The following ALG9 variants were observed in gnomAD, a reference collection of about 807,000 sequenced individuals.
ALG9 encodes the protein alpha-1,2-mannosyltransferase ALG9.
In ALG9, 55 loss-of-function variants were observed where a neutral mutation model predicts 81.8. The ratio of observed to expected loss-of-function variants is 0.67; its 90% CI spans 0.54 to 0.84. ALG9 has a LOEUF of 0.84. Among genes scored for constraint, ALG9 ranks in the 40% least tolerant of loss-of-function variants. The probability of loss-of-function intolerance (pLI) is 0.00; values close to 1 mark genes in which losing one functional copy is unlikely to be tolerated. For synonymous variants in ALG9, 278 were observed against 274.3 expected, an observed-to-expected ratio of 1.01 and a Z score of -0.13; for missense variants, 629 against 745.0, an observed-to-expected ratio of 0.84 and a Z score of 1.81.
chr11:111,867,279 G>A (rs1049230400), intron 3 of ALG9, among the ~76,000 whole-genome samples: 8 of 152,186 alleles, frequency 5.3e-5, no homozygotes, highest in East Asian at 1.9e-4. Flanking sequence ...GACTTGGGGG[G>A]AAAAGAACAA....
intron 9 of ALG9, among the ~76,000 whole-genome samples, chr11:111,844,014 T>C (rs1555126395): frequency 6.6e-6 from 1 of 152,190 alleles, no homozygotes; most frequent in African/African-American, 2.4e-5. Flanking sequence ...CTTCTGAGAT[T>C]TTTTTTGAGA....
chr11:111,842,949 ATTG>A (rs1253543881), intron 9 of ALG9, among the ~76,000 whole-genome samples: 2 of 151,746 alleles, frequency 1.3e-5, no homozygotes, highest in Non-Finnish European at 2.9e-5. Context: ...AATAATTATT[ATTG>A]TTGTTTTTAA....
At position 111,784,487 on chromosome 11, in the gene ALG9, G is replaced by A. The variant is rs1555060421; in HGVS notation, c.*1910C>T. On this transcript the variant is annotated 3_prime_UTR_variant, in exon 15 of 15. Coordinates refer to ENST00000616540, the MANE Select transcript of ALG9 (RefSeq NM_024740.2). Reference sequence around the variant, plus strand: ...AATACCAGCACTTTGGGAGGCTGAGGCGGGTGGATGACCTGAGGTCAGGAG... The same window carrying A: ...AATACCAGCACTTTGGGAGGCTGAGACGGGTGGATGACCTGAGGTCAGGAG... 6.6e-6 allele frequency: 1 copy of A among 152,260 alleles called. No individual in the cohort carries two copies. The highest frequency in any genetic ancestry group is 1.9e-4 in the East Asian group (1 of 5,196). The allele number at this position is 152,260 out of a possible 1,614,324, so 9.4% of individuals were successfully genotyped here.
At chr11:111,798,451 ACT>A (rs1555077461) in intron 14 of ALG9, among the ~76,000 whole-genome samples, 1 of 151,966 alleles carries the variant, frequency 6.6e-6, no homozygotes, top group Non-Finnish European at 1.5e-5. Flanking sequence ...CTCTCAGCAC[ACT>A]TAGATAGGCA....
chr11:111,775,785 T>C, the ALG9 span, among the ~76,000 whole-genome samples: 1 of 152,188 alleles, frequency 6.6e-6, no homozygotes. Flanking sequence ...GCCTACTGAC[T>C]CCGTCTAGGT....
At chr11:111,776,868 G>A in the ALG9 span, among the ~76,000 whole-genome samples, 7 of 152,294 alleles carry the variant, frequency 4.6e-5, no homozygotes, top group East Asian at 1.4e-3. Flanking sequence ...CCTAGGCATG[G>A]GGAGTAAAGG....
chr11:111,794,980 T>C (rs1948028820), intron 14 of ALG9, among the ~76,000 whole-genome samples: 1 of 152,232 alleles, frequency 6.6e-6, no homozygotes, highest in Non-Finnish European at 1.5e-5. Context: ...ATGTGACTGT[T>C]ATTTAATAGT....
intron 9 of ALG9, 54 bp downstream of exon 9, chr11:111,844,547 C>G: frequency 6.2e-7 from 1 of 1,611,442 alleles, no homozygotes; most frequent in South Asian, 1.1e-5. Flanking sequence ...TCTTGGTATA[C>G]ACCATTACTT....
chr11:111,850,180 T>A (rs1284991784), intron 8 of ALG9, among the ~76,000 whole-genome samples: 1 of 152,200 alleles, frequency 6.6e-6, no homozygotes, highest in East Asian at 1.9e-4. Flanking sequence ...TTATTTGGTA[T>A]CACGAAAATC....
chr11:111,808,791 C>A (rs148510177), intron 14 of ALG9, among the ~76,000 whole-genome samples: 4 of 152,196 alleles, frequency 2.6e-5, no homozygotes, highest in Non-Finnish European at 5.9e-5. Context: ...GTCTGTTTAC[C>A]TGGACCTCTG....
chr11:111,858,655 T>C (rs1176438398), intron 5 of ALG9, among the ~76,000 whole-genome samples: 2 of 152,182 alleles, frequency 1.3e-5, no homozygotes, highest in Non-Finnish European at 2.9e-5. Context: ...ACAGAAACAA[T>C]TGATTAAAGT....
At chr11:111,805,361 C>A (rs1555084194) in intron 14 of ALG9, 1 of 455,196 alleles carries the variant, frequency 2.2e-6, no homozygotes, top group South Asian at 1.6e-5. Flanking sequence ...AGTTTATGGT[C>A]ATTTGTTATA....
the ALG9 span, among the ~76,000 whole-genome samples, chr11:111,774,202 C>A: frequency 6.6e-6 from 1 of 151,638 alleles, no homozygotes. Flanking sequence ...CATGAAGAAA[C>A]CCCATCTCTA....
intron 14 of ALG9, among the ~76,000 whole-genome samples, chr11:111,787,806 C>A (rs782759298): frequency 3.9e-5 from 6 of 151,942 alleles, no homozygotes; most frequent in Non-Finnish European, 7.4e-5. Flanking sequence ...ATGATTTAAT[C>A]CATTTGATAA....
At chr11:111,832,371 G>A (rs1555113941) in intron 13 of ALG9, among the ~76,000 whole-genome samples, 3 of 151,976 alleles carry the variant, frequency 2.0e-5, no homozygotes, top group African/African-American at 7.3e-5. Flanking sequence ...CAAACTCCTG[G>A]GCTCAAGCAG....
At chr11:111,806,749 A>G (rs1469964724) in intron 14 of ALG9, among the ~76,000 whole-genome samples, 1 of 152,206 alleles carries the variant, frequency 6.6e-6, no homozygotes, top group African/African-American at 2.4e-5. Flanking sequence ...TAGACTGTAT[A>G]TCTAGCTGCC....
rs782361758 is a variant in ALG9 at position 111,870,385 on chromosome 11, A to C, written c.132-15T>G. ...TCCCAGATAACCTGTTCAAAAGCAA[A>C]AAAAAAAAAAAAAAAAAAAGCATGT... is the stretch of plus-strand genomic sequence containing the variant. On this transcript the variant is annotated splice_polypyrimidine_tract_variant and intron_variant, in intron 1 of 14. Coordinates refer to ENST00000616540, the MANE Select transcript of ALG9 (RefSeq NM_024740.2). The C allele has an allele frequency of 6.5e-3, 5,584 of 852,986 alleles. 7 individuals carry two copies. Among genetic ancestry groups the C allele is most frequent in the East Asian group, 9.7e-3 (181 of 18,626 alleles). The allele number at this position is 852,986 out of a possible 1,614,324, so 52.8% of individuals were successfully genotyped here.
In ALG9 at chr11:111,871,573, AC is replaced by A; in HGVS notation, c.-92del. 1 of 1,531,820 alleles carries A rather than the reference AC, an allele frequency of 6.5e-7. No homozygotes were observed. The highest frequency in any genetic ancestry group is 1.2e-5 in the South Asian group (1 of 83,226). 94.9% of individuals were successfully genotyped at this position (1,531,820 alleles called of 1,614,324 possible). A position where few individuals can be genotyped will look rare whatever the true frequency, so the allele number is the denominator to read the frequency against. On this transcript the variant is annotated 5_prime_UTR_variant, in exon 1 of 15. Coordinates refer to ENST00000616540, the MANE Select transcript of ALG9 (RefSeq NM_024740.2). ...GCTGGCAAACGGTGTCCGCCGAGGG[AC>A]AAAAGACCTTGACATGCGCAGAAAA...
intron 14 of ALG9, 76 bp downstream of exon 14, chr11:111,809,567 G>A: frequency 3.8e-6 from 6 of 1,570,168 alleles, no homozygotes; most frequent in South Asian, 1.1e-5. Flanking sequence ...ACCCAGGACT[G>A]GAAGTTATAT....
Sources: allele counts gnomAD v4.1 joint callset (sites outside exome capture counted in the v4.1 genomes callset), GRCh38; gene constraint gnomAD v4.1.1; transcripts MANE v1.5; gene names NCBI Gene and HGNC (gene_info 2026-07-23, HGNC 2026-07-21).